The following SSUH2 variants were observed in gnomAD, a reference collection of about 807,000 sequenced individuals.
The protein encoded by SSUH2 is ssu-2 homolog.
SSUH2 carries 47 observed loss-of-function variants against 55.3 expected under a neutral mutation model. That is an observed-to-expected ratio of 0.85 (90% CI 0.67 to 1.08). The LOEUF (loss-of-function observed/expected upper bound fraction) is 1.08, where lower values mean the gene tolerates loss of function less well. Among genes scored for constraint, SSUH2 ranks in the 50% least tolerant of loss-of-function variants. The probability of loss-of-function intolerance (pLI) is 0.00; values close to 1 mark genes in which losing one functional copy is unlikely to be tolerated. For synonymous variants in SSUH2, 212 were observed against 191.5 expected (o/e 1.11, Z -0.89); for missense variants, 535 against 490.7 (o/e 1.09, Z -0.85).
intron 5 of SSUH2, 136 bp downstream of exon 5, chr3:8,631,913 A>AG (rs1698862768): frequency 3.1e-6 from 2 of 655,278 alleles, no homozygotes; most frequent in East Asian, 2.8e-5. Context: ...CTCATTTTGC[A>AG]GGGGGTAAGG....
intron 2 of SSUH2, among the ~76,000 whole-genome samples, chr3:8,677,791 C>T (rs1300697150): frequency 6.6e-6 from 1 of 150,638 alleles, no homozygotes; most frequent in African/African-American, 2.4e-5. Flanking sequence ...ATAAAGGCCC[C>T]CCATGCTGTG....
At position 8,619,750 on chromosome 3, in the gene SSUH2, G is replaced by T; in HGVS notation, c.*118C>A. ...GATGATAAGCTGGTTTTTCTGGAAGGACATGCCAGGGTTTGTATGTGATTG... is the reference window on the plus strand; with the variant it reads ...GATGATAAGCTGGTTTTTCTGGAAGTACATGCCAGGGTTTGTATGTGATTG... On this transcript the variant is annotated 3_prime_UTR_variant, in exon 12 of 12. Coordinates refer to ENST00000544814, the MANE Select transcript of SSUH2 (RefSeq NM_001256748.3). The T allele has an allele frequency of 8.1e-7, 1 of 1,241,160 alleles. No individual in the cohort carries two copies. Among genetic ancestry groups the T allele is most frequent in the Non-Finnish European group, 1.1e-6 (1 of 895,462 alleles). The allele number at this position is 1,241,160 out of a possible 1,614,324, so 76.9% of individuals were successfully genotyped here.
At chr3:8,675,368 A>G (rs757819113) in intron 3 of SSUH2, among the ~76,000 whole-genome samples, 2 of 152,154 alleles carry the variant, frequency 1.3e-5, no homozygotes, top group East Asian at 1.9e-4. Context: ...GCTCGAGACC[A>G]TCAGAAGTTT....
intron 6 of SSUH2, among the ~76,000 whole-genome samples, chr3:8,661,233 G>C (rs1703455275): frequency 1.3e-5 from 2 of 152,288 alleles, no homozygotes; most frequent in South Asian, 4.2e-4. Context: ...CACTCACTCT[G>C]TTCCCTCTGC....
intron 6 of SSUH2, among the ~76,000 whole-genome samples, chr3:8,630,121 C>T (rs2271208): frequency 0.19 from 28,268 of 152,204 alleles, 3,370 homozygotes; most frequent in East Asian, 0.4. Flanking sequence ...AATGAGCTAG[C>T]TACTAGTATT....
At chr3:8,648,830 C>T (rs979958127), upstream of SSUH2, among the ~76,000 whole-genome samples, 2 of 152,166 alleles carry the variant, frequency 1.3e-5, no homozygotes, top group Non-Finnish European at 2.9e-5. Context: ...AATCCTGATG[C>T]TCCAGGAACC....
chr3:8,654,181 AAGAG>A (rs996392713), intron 7 of SSUH2, among the ~76,000 whole-genome samples: 3 of 152,200 alleles, frequency 2.0e-5, no homozygotes, highest in Non-Finnish European at 4.4e-5. Flanking sequence ...GGAGAGGAGA[AAGAG>A]AGAGAGCAAG....
chr3:8,634,164 GGCTAAATAAGGCTCCT>G, intron 3 of SSUH2: 1 of 627,400 alleles, frequency 1.6e-6, no homozygotes, highest in Non-Finnish European at 2.7e-6. Flanking sequence ...GGCAGAGACA[GGCTAAATAAGGCTCCT>G]GCCCTCGGGT....
chr3:8,633,874 G>T lies in SSUH2; in HGVS notation c.210-79C>A, dbSNP rs151315819. The T allele has an allele frequency of 7.1e-4, 1,150 of 1,613,870 alleles. 1 individual carries two copies. The highest frequency in any genetic ancestry group is 8.6e-4 in the Non-Finnish European group (1,015 of 1,180,030). On this transcript the variant is annotated intron_variant, in intron 3 of 11. Transcript: ENST00000544814. ...ACGCGGGCCAGCCAGCCTCCTCAAC[G>T]TGCAGGCGAGAAACTGAGGCCACGG...
intron 11 of SSUH2, among the ~76,000 whole-genome samples, chr3:8,621,923 C>G (rs995009400): frequency 6.6e-6 from 1 of 151,534 alleles, no homozygotes; most frequent in Admixed American, 6.6e-5. Flanking sequence ...CAATACCAGC[C>G]CCCCCACAAC....
intron 1 of SSUH2, among the ~76,000 whole-genome samples, chr3:8,636,263 A>T (rs1446137390): frequency 1.3e-5 from 2 of 152,110 alleles, no homozygotes; most frequent in Non-Finnish European, 2.9e-5. Flanking sequence ...TGCCTCATGG[A>T]GCATTTGTTT....
At chr3:8,651,588 C>G (rs1702417012) in intron 7 of SSUH2, among the ~76,000 whole-genome samples, 1 of 152,120 alleles carries the variant, frequency 6.6e-6, no homozygotes, top group Non-Finnish European at 1.5e-5. Context: ...GTATTTTTTT[C>G]ACATGTTATT....
At position 8,633,720 on chromosome 3, in the gene SSUH2, G is replaced by A; in HGVS notation, c.285C>T (p.Ser95=). ...GGATGACGAGGTCTCCAGCCACCGTGCTGCTGTAGCAGCACTTAGAGTCCA... is the reference window on the plus strand; with the variant it reads ...GGATGACGAGGTCTCCAGCCACCGTACTGCTGTAGCAGCACTTAGAGTCCA... ...SFVDSKCCYS[S]TVAGDLVIQE... The change falls in exon 4 of 12, where the codon AGC becomes AGT. Residue 95 remains serine, a synonymous_variant. Transcript: ENST00000544814. 1 of 1,567,586 alleles carries A rather than the reference G, an allele frequency of 6.4e-7. No individual in the cohort carries two copies. Among genetic ancestry groups the A allele is most frequent in the Non-Finnish European group, 8.7e-7 (1 of 1,156,010 alleles).
intron 7 of SSUH2, among the ~76,000 whole-genome samples, chr3:8,651,574 T>C (rs903681046): frequency 1.3e-5 from 2 of 152,072 alleles, no homozygotes; most frequent in Non-Finnish European, 2.9e-5. Context: ...GAATGAGGAA[T>C]CGTGTATTTT....
At chr3:8,640,660 AGAAG>A (rs2125247203) in intron 1 of SSUH2, among the ~76,000 whole-genome samples, 1 of 152,296 alleles carries the variant, frequency 6.6e-6, no homozygotes, top group Non-Finnish European at 1.5e-5. Flanking sequence ...ACAGAAAGAA[AGAAG>A]GAAGGAGAAA....
At chr3:8,633,630 C>G (rs535630907) in intron 4 of SSUH2, 36 bp downstream of exon 4, 2 of 1,482,784 alleles carry the variant, frequency 1.3e-6, no homozygotes, top group Non-Finnish European at 1.8e-6. Flanking sequence ...TCCCCAGCCC[C>G]CCGGCCAAGG....
At chr3:8,660,429 G>T (rs529194557) in intron 6 of SSUH2, among the ~76,000 whole-genome samples, 2 of 152,142 alleles carry the variant, frequency 1.3e-5, no homozygotes, top group Non-Finnish European at 2.9e-5. Flanking sequence ...GGCAAGTCAA[G>T]GGTTAAGAAG....
At chr3:8,631,730 G>C (rs371837236) in intron 5 of SSUH2, among the ~76,000 whole-genome samples, 54 of 152,216 alleles carry the variant, frequency 3.5e-4, no homozygotes, top group African/African-American at 1.3e-3. Flanking sequence ...GGTGGCATGA[G>C]GGGGTGTAGG....
chr3:8,634,189 G>A, intron 3 of SSUH2: 1 of 596,848 alleles, frequency 1.7e-6, no homozygotes, highest in Non-Finnish European at 2.8e-6. Context: ...CTGCCCTCGG[G>A]TACCTTGACC....
Sources: gnomAD v4.1 joint callset for allele counts (sites outside exome capture counted in the v4.1 genomes callset) on GRCh38, gnomAD v4.1.1 for gene constraint, MANE v1.5 for transcripts, NCBI Gene and HGNC (gene_info 2026-07-23, HGNC 2026-07-21) for gene names.